SLC25A12: variants seen among roughly 807,000 people sequenced by gnomAD.
SLC25A12 encodes the protein electrogenic aspartate/glutamate antiporter SLC25A12, mitochondrial.
In SLC25A12, 32 loss-of-function variants were observed where a neutral mutation model predicts 83.3. That is an observed-to-expected ratio of 0.38 (90% confidence interval 0.29 to 0.52). The LOEUF (loss-of-function observed/expected upper bound fraction) is 0.52. SLC25A12 is among the 20% of genes least tolerant of loss of function. The pLI, the probability that SLC25A12 is intolerant of heterozygous loss-of-function variation, is 0.84. For synonymous variants in SLC25A12, 267 were observed against 291.1 expected (o/e 0.92, Z 0.84); for missense variants, 611 against 835.6 (o/e 0.73, Z 3.31).
chr2:171,848,996 C>T (rs1006846569), intron 4 of SLC25A12, among the ~76,000 whole-genome samples: 2 of 151,874 alleles, frequency 1.3e-5, no homozygotes, highest in Admixed American at 6.6e-5. Flanking sequence ...TTGAGACCAG[C>T]CTGGCCAACA....
At chr2:171,866,892 C>T (rs1395776841) in intron 3 of SLC25A12, among the ~76,000 whole-genome samples, 1 of 150,126 alleles carries the variant, frequency 6.7e-6, no homozygotes, top group Admixed American at 6.6e-5. Context: ...GGCTGCCGGG[C>T]GGAGGGGCTC....
At chr2:171,876,916 T>C (rs1400977102) in intron 2 of SLC25A12, among the ~76,000 whole-genome samples, 1 of 152,202 alleles carries the variant, frequency 6.6e-6, no homozygotes. Flanking sequence ...GACATTGACA[T>C]AAAGTAGCTG....
At chr2:171,878,196 C>T (rs182878255) in intron 2 of SLC25A12, among the ~76,000 whole-genome samples, 1 of 152,216 alleles carries the variant, frequency 6.6e-6, no homozygotes, top group Admixed American at 6.5e-5. Flanking sequence ...GATGGCACGA[C>T]GGACACTAAA....
In SLC25A12 at chr2:171,818,540, G is replaced by A. The variant is rs147749202; in HGVS notation, c.931-3338C>T. 2.3e-3 allele frequency among the ~76,000 whole-genome samples: 344 copies of A among 151,812 alleles called. 2 individuals carry two copies. Among genetic ancestry groups the A allele is most frequent in the African/African-American group, 7.5e-3 (310 of 41,386 alleles). ...AATCCCAGCACTTTGGGAGGCTGAG[G>A]CAGGCAAGATCACTTGAGCCCAAGA... On this transcript the variant is annotated intron_variant, in intron 9 of 17. Coordinates refer to ENST00000422440, the MANE Select transcript of SLC25A12 (RefSeq NM_003705.5).
intron 2 of SLC25A12, among the ~76,000 whole-genome samples, chr2:171,891,494 G>C (rs760445689): frequency 6.6e-6 from 1 of 152,140 alleles, no homozygotes; most frequent in Non-Finnish European, 1.5e-5. Flanking sequence ...TCCCACATGA[G>C]AAGCTGAAAC....
chr2:171,830,338 T>A (rs1389136206), intron 8 of SLC25A12, among the ~76,000 whole-genome samples: 1 of 152,200 alleles, frequency 6.6e-6, no homozygotes, highest in Non-Finnish European at 1.5e-5. Context: ...TATGTAAGAA[T>A]ATGTATAAAT....
At chr2:171,882,408 ACTTAAC>A (rs1685715714) in intron 2 of SLC25A12, among the ~76,000 whole-genome samples, 1 of 152,166 alleles carries the variant, frequency 6.6e-6, no homozygotes, top group Admixed American at 6.5e-5. Context: ...TAATTCCTAG[ACTTAAC>A]CTAGAAATTG....
Position 171,783,802 on chromosome 2 carries a change from T to C in SLC25A12, c.*1472A>G, listed in dbSNP as rs1486647222. On this transcript the variant is annotated 3_prime_UTR_variant, in exon 18 of 18. Coordinates refer to ENST00000422440, the MANE Select transcript of SLC25A12 (RefSeq NM_003705.5). ...CTAATACATTTGAAAATAACTTGCTTTCAAAGCTAATTCTTTTGTTCCTGG... is the reference window on the plus strand; with the variant it reads ...CTAATACATTTGAAAATAACTTGCTCTCAAAGCTAATTCTTTTGTTCCTGG... Among the ~76,000 whole-genome samples, 1 of 152,216 alleles carries C rather than the reference T, an allele frequency of 6.6e-6. No individual in the cohort carries two copies. Among genetic ancestry groups the C allele is most frequent in the Non-Finnish European group, 1.5e-5 (1 of 68,030 alleles).
At chr2:171,800,474 C>A (rs1253152548) in intron 13 of SLC25A12, among the ~76,000 whole-genome samples, 1 of 152,090 alleles carries the variant, frequency 6.6e-6, no homozygotes, top group East Asian at 1.9e-4. Context: ...AAAAACACTA[C>A]AGATATCAAA....
chr2:171,863,298 G>A (rs2105911972), intron 3 of SLC25A12, among the ~76,000 whole-genome samples: 1 of 152,210 alleles, frequency 6.6e-6, no homozygotes, highest in South Asian at 2.1e-4. Flanking sequence ...GACCGAGGCG[G>A]GCAGATCACA....
Position 171,820,537 on chromosome 2 carries a change from G to T in SLC25A12, c.931-5335C>A, listed in dbSNP as rs1157785258. Among the ~76,000 whole-genome samples, 2 of 142,790 alleles carry T rather than the reference G, an allele frequency of 1.4e-5. 1 individual carries two copies. Among genetic ancestry groups the T allele is most frequent in the Non-Finnish European group, 3.1e-5 (2 of 64,562 alleles). 93.7% of individuals were successfully genotyped at this position (142,790 alleles called of 152,430 possible). On this transcript the variant is annotated intron_variant, in intron 9 of 17. Coordinates refer to ENST00000422440, the MANE Select transcript of SLC25A12 (RefSeq NM_003705.5). ...AGGTCAGGAGATCGAGACCATGCCG[G>T]CTAAAACGGTGAAACCCCGTCTCTA...
At chr2:171,837,027 T>C (rs530049687) in intron 6 of SLC25A12, 94 bp downstream of exon 6, 39 of 1,188,952 alleles carry the variant, frequency 3.3e-5, no homozygotes, top group Middle Eastern at 2.2e-4. Flanking sequence ...ATTTGAATAG[T>C]TGAGAGTCAT....
chr2:171,865,026 C>T (rs1006427078), intron 3 of SLC25A12, among the ~76,000 whole-genome samples: 26 of 152,140 alleles, frequency 1.7e-4, no homozygotes, highest in African/African-American at 5.1e-4. Flanking sequence ...AAACTCTCCC[C>T]TAATTTATTT....
chr2:171,831,968 T>G (rs1410410091), intron 8 of SLC25A12, among the ~76,000 whole-genome samples: 1 of 151,958 alleles, frequency 6.6e-6, no homozygotes, highest in Non-Finnish European at 1.5e-5. Flanking sequence ...ACAAGTGTTG[T>G]GTGTGTGATG....
chr2:171,828,018 T>C (rs936392690), intron 8 of SLC25A12, among the ~76,000 whole-genome samples: 8 of 152,184 alleles, frequency 5.3e-5, no homozygotes, highest in Non-Finnish European at 1.0e-4. Context: ...TGAAGGCAAC[T>C]GCAGGTCTCT....
chr2:171,866,810 G>A (rs1056645023), intron 3 of SLC25A12, among the ~76,000 whole-genome samples: 5 of 148,134 alleles, frequency 3.4e-5, no homozygotes, highest in Admixed American at 6.7e-5. Flanking sequence ...GGCCTGGCGG[G>A]GGCTGACCCC....
chr2:171,868,018 T>C (rs1013658568), intron 3 of SLC25A12, among the ~76,000 whole-genome samples: 3 of 151,972 alleles, frequency 2.0e-5, no homozygotes, highest in African/African-American at 7.2e-5. Flanking sequence ...CTAATTTTTG[T>C]ATTTTTTTTA....
chr2:171,795,500 G>A (rs1019649698), intron 13 of SLC25A12, among the ~76,000 whole-genome samples: 3 of 152,134 alleles, frequency 2.0e-5, no homozygotes, highest in African/African-American at 7.2e-5. Flanking sequence ...CTACTTCCCT[G>A]AAATCTCTTG....
chr2:171,828,500 A>C lies in SLC25A12; in HGVS notation c.846-1618T>G, dbSNP rs146116348. 3.9e-5 allele frequency among the ~76,000 whole-genome samples: 6 copies of C among 152,302 alleles called. No individual in the cohort carries two copies. The East Asian group carries it at 1.2e-3, about 29-fold the overall frequency. On this transcript the variant is annotated intron_variant, in intron 8 of 17. Transcript: ENST00000422440. ...ACTTTTGGGGCCCACAATCTTTAGA[A>C]TACATTCTACATCTTGTTTCTTTTG... is the stretch of plus-strand genomic sequence containing the variant.
Sources: allele counts gnomAD v4.1 joint callset (sites outside exome capture counted in the v4.1 genomes callset), GRCh38; gene constraint gnomAD v4.1.1; transcripts MANE v1.5; gene names NCBI Gene and HGNC (gene_info 2026-07-23, HGNC 2026-07-21).